PIP5K1A: variants seen among roughly 807,000 people sequenced by gnomAD.
The protein encoded by PIP5K1A is phosphatidylinositol 4-phosphate 5-kinase type-1 alpha.
PIP5K1A carries 46 observed loss-of-function variants against 72.9 expected under a neutral mutation model. The ratio of observed to expected loss-of-function variants is 0.63; its 90% CI spans 0.50 to 0.81. PIP5K1A has a LOEUF of 0.81. Ranked by LOEUF, PIP5K1A falls within the 30% of genes least tolerant of loss-of-function variation. The pLI is 0.00. For missense variants in PIP5K1A, 458 were observed against 706.1 expected, an observed-to-expected ratio of 0.65 and a Z score of 3.98; for synonymous variants, 228 against 255.1, an observed-to-expected ratio of 0.89 and a Z score of 1.01.
chr1:151,227,519 TG>T (rs1435295363), intron 4 of PIP5K1A, 119 bp downstream of exon 4: 2 of 597,112 alleles, frequency 3.3e-6, no homozygotes, highest in African/African-American at 3.7e-5. Context: ...CCTAAGCTTT[TG>T]CACATAATAC....
chr1:151,225,011 A>G (rs587613269), intron 3 of PIP5K1A, among the ~76,000 whole-genome samples: 7 of 152,302 alleles, frequency 4.6e-5, no homozygotes, highest in African/African-American at 1.7e-4. Flanking sequence ...CCTTGGCTAA[A>G]AGAATAGAAC....
chr1:151,199,433 A>T (rs6695901), intron 1 of PIP5K1A, among the ~76,000 whole-genome samples: 127,471 of 151,792 alleles, frequency 0.84, 53,791 homozygotes, highest in Non-Finnish European at 0.87. Context: ...GCCAACATAG[A>T]GAAATCTCGT....
upstream of PIP5K1A, among the ~76,000 whole-genome samples, chr1:151,196,365 T>C (rs943444348): frequency 1.3e-5 from 2 of 151,674 alleles, no homozygotes; most frequent in African/African-American, 4.9e-5. Flanking sequence ...GAGTGGAGGG[T>C]ATAGGTACAG....
At chr1:151,246,781 T>G in intron 14 of PIP5K1A, 139 bp from the exon 15 acceptor site, 1 of 613,460 alleles carries the variant, frequency 1.6e-6, no homozygotes, top group Non-Finnish European at 2.9e-6. Flanking sequence ...ATCTAGTAGC[T>G]TCTCAGCCTC....
At chr1:151,226,891 G>T (rs1210169649) in intron 3 of PIP5K1A, among the ~76,000 whole-genome samples, 1 of 151,842 alleles carries the variant, frequency 6.6e-6, no homozygotes, top group African/African-American at 2.4e-5. Flanking sequence ...GTCAGGTGTG[G>T]TGGTGTGCAC....
chr1:151,247,410 A>G (rs908782839), intron 15 of PIP5K1A, among the ~76,000 whole-genome samples: 1 of 151,102 alleles, frequency 6.6e-6, no homozygotes, highest in Admixed American at 6.6e-5. Flanking sequence ...TACAGCCGTG[A>G]GCCATTGCAC....
chr1:151,238,389 A>G (rs1691186259), intron 10 of PIP5K1A, 124 bp downstream of exon 10: 1 of 700,020 alleles, frequency 1.4e-6, no homozygotes, highest in East Asian at 2.6e-5. Flanking sequence ...CAGTCTGGCT[A>G]CTTACTTCAT....
rs1416265696 is a variant in PIP5K1A at position 151,224,458 on chromosome 1, TAAC to T, written c.156+55_156+57del. On this transcript the variant is annotated intron_variant, in intron 3 of 15. Coordinates refer to ENST00000368888, the MANE Select transcript of PIP5K1A (RefSeq NM_001135638.2). Reference sequence around the variant, plus strand: ...TTTTATTGTAGTTTATTTTAAATATTAACAATATCTCACATTTATTGAGCATTT... The same window carrying T: ...TTTTATTGTAGTTTATTTTAAATATTAATATCTCACATTTATTGAGCATTT... The T allele has an allele frequency of 4.9e-6, 6 of 1,228,942 alleles. No individual in the cohort carries two copies. The Admixed American group carries it at 1.1e-4, about 22-fold the overall frequency. The allele number at this position is 1,228,942 out of a possible 1,614,324, so 76.1% of individuals were successfully genotyped here.
chr1:151,228,622 C>A (rs1308898198), intron 4 of PIP5K1A, among the ~76,000 whole-genome samples: 1 of 152,100 alleles, frequency 6.6e-6, no homozygotes, highest in Non-Finnish European at 1.5e-5. Context: ...GATCCAAATT[C>A]TTGAGTTCTG....
intron 9 of PIP5K1A, among the ~76,000 whole-genome samples, chr1:151,237,077 G>A (rs1207043405): frequency 6.6e-6 from 1 of 151,960 alleles, no homozygotes; most frequent in Non-Finnish European, 1.5e-5. Context: ...TGATCCACCC[G>A]CCTTGGCCTC....
Position 151,231,744 on chromosome 1 carries a change from C to T in PIP5K1A, c.311C>T (p.Pro104Leu), listed in dbSNP as rs587682988. The part of the protein sequence containing the change: ...THTVGSLSTK[P>L]ERDVLMQDFY... ...ACTGTGGGGAGCCTGAGTACCAAAC[C>T]AGAGCGTGATGTCCTCATGCAAGAT... is the stretch of plus-strand genomic sequence containing the variant. The change falls in exon 5 of 16, where the codon CCA (proline) becomes CTA (leucine). Residue 104 changes from proline (P) to leucine (L), a missense_variant. By Grantham distance (98) the Pro-to-Leu change is moderately conservative. Around this residue, in one of 3 missense-constraint regions of PIP5K1A, gnomAD observed 220 missense variants for 442.6 expected, o/e 0.50. Coordinates refer to ENST00000368888, the MANE Select transcript of PIP5K1A (RefSeq NM_001135638.2). 1.9e-6 allele frequency: 3 copies of T among 1,613,544 alleles called. No homozygotes were observed. Among genetic ancestry groups the T allele is most frequent in the Admixed American group, 1.7e-5 (1 of 60,002 alleles).
intron 1 of PIP5K1A, among the ~76,000 whole-genome samples, chr1:151,207,867 CTTTT>C (rs35805635): frequency 1.4e-5 from 2 of 142,260 alleles, no homozygotes; most frequent in Non-Finnish European, 1.5e-5. Flanking sequence ...GTTGCTCCTT[CTTTT>C]TTTTTTTTTT....
At chr1:151,235,076 A>G (rs1484413962) in intron 8 of PIP5K1A, among the ~76,000 whole-genome samples, 1 of 152,006 alleles carries the variant, frequency 6.6e-6, no homozygotes, top group African/African-American at 2.4e-5. Flanking sequence ...ATGTATCTAC[A>G]TTTTACTTTA....
At chr1:151,240,188 T>C in intron 12 of PIP5K1A, 149 bp downstream of exon 12, 1 of 655,000 alleles carries the variant, frequency 1.5e-6, no homozygotes, top group Non-Finnish European at 2.7e-6. Flanking sequence ...TTTCTTGTCC[T>C]TTGTGTTAGT....
chr1:151,236,991 C>A (rs1173284835), intron 9 of PIP5K1A, among the ~76,000 whole-genome samples: 2 of 152,060 alleles, frequency 1.3e-5, no homozygotes, highest in Non-Finnish European at 2.9e-5. Context: ...CCACACCCAG[C>A]TAATTTTTTG....
intron 1 of PIP5K1A, among the ~76,000 whole-genome samples, chr1:151,219,670 G>A (rs587773568): frequency 6.6e-6 from 1 of 151,856 alleles, no homozygotes; most frequent in Admixed American, 6.6e-5. Flanking sequence ...CTCCAGTCTG[G>A]GCGACAAGAG....
At chr1:151,218,042 A>G (rs1570837969) in intron 1 of PIP5K1A, among the ~76,000 whole-genome samples, 1 of 152,066 alleles carries the variant, frequency 6.6e-6, no homozygotes, top group Non-Finnish European at 1.5e-5. Context: ...GCCTCCCCCA[A>G]GTGGTGGGAT....
At position 151,216,640 on chromosome 1, in the gene PIP5K1A, G is replaced by T. The variant is rs147641956; in HGVS notation, c.86-7605G>T. ...ACTCTTTTCCTTTTCTCTTTCTGTT[G>T]TACCTCTCATTTCCCCGACCCTTCC... On this transcript the variant is annotated intron_variant, in intron 1 of 15. Coordinates refer to ENST00000368888, the MANE Select transcript of PIP5K1A (RefSeq NM_001135638.2). Among the ~76,000 whole-genome samples, 1,076 of 151,676 alleles carry T rather than the reference G, an allele frequency of 7.1e-3. 14 individuals are homozygous for T. Among genetic ancestry groups the T allele is most frequent in the African/African-American group, 0.024 (1,006 of 41,318 alleles).
At chr1:151,226,090 CT>C (rs1271678597) in intron 3 of PIP5K1A, among the ~76,000 whole-genome samples, 207 of 119,386 alleles carry the variant, frequency 1.7e-3, no homozygotes, top group Admixed American at 3.0e-3. Context: ...TGTTTCTTTT[CT>C]TTTTTTTTTT....
Sources: allele counts gnomAD v4.1 joint callset (sites outside exome capture counted in the v4.1 genomes callset), GRCh38; gene constraint gnomAD v4.1.1; regional missense constraint gnomAD v4.1.1; transcripts MANE v1.5; gene names NCBI Gene and HGNC (gene_info 2026-07-23, HGNC 2026-07-21).